Variants in SHISA9 observed in about 807,000 individuals in gnomAD.
SHISA9 encodes protein shisa-9.
Under a neutral mutation model 38.0 loss-of-function variants are expected in SHISA9, and 13 were observed. The ratio of observed to expected loss-of-function variants is 0.34; its 90% CI spans 0.22 to 0.54. SHISA9 has a LOEUF of 0.54. Ranked by LOEUF, SHISA9 falls within the 20% of genes least tolerant of loss-of-function variation. The pLI is 0.91. For missense variants in SHISA9, 538 were observed against 575.8 expected (o/e 0.93, Z 0.67); for synonymous variants, 275 against 242.0 (o/e 1.14, Z -1.27).
the SHISA9 span, among the ~76,000 whole-genome samples, chr16:13,293,243 C>T: frequency 4.6e-5 from 7 of 152,136 alleles, no homozygotes; most frequent in East Asian, 1.9e-4. Flanking sequence ...CACACGCACG[C>T]GCGCAAACAC....
the SHISA9 span, among the ~76,000 whole-genome samples, chr16:13,442,821 C>T: frequency 2.6e-5 from 4 of 152,178 alleles, no homozygotes; most frequent in African/African-American, 9.7e-5. Context: ...AAGGATGTTA[C>T]TGTTGGATGG....
the SHISA9 span, among the ~76,000 whole-genome samples, chr16:13,440,585 C>T: frequency 6.6e-6 from 1 of 152,200 alleles, no homozygotes; most frequent in Non-Finnish European, 1.5e-5. Flanking sequence ...AGCTTCTTTT[C>T]TAAATGTCTT....
chr16:13,390,124 C>CT, the SHISA9 span, among the ~76,000 whole-genome samples: 208 of 149,390 alleles, frequency 1.4e-3, no homozygotes, highest in Non-Finnish European at 2.1e-3. Context: ...TTTTTCTAAC[C>CT]TTTTTTTTTT....
At chr16:13,412,831 G>A in the SHISA9 span, among the ~76,000 whole-genome samples, 38 of 152,050 alleles carry the variant, frequency 2.5e-4, no homozygotes, top group East Asian at 2.1e-3. Flanking sequence ...TACTCAGTCC[G>A]GGCGACAGAG....
chr16:12,941,893 C>T (rs2071616973), intron 2 of SHISA9, among the ~76,000 whole-genome samples: 1 of 152,182 alleles, frequency 6.6e-6, no homozygotes, highest in African/African-American at 2.4e-5. Flanking sequence ...ATTATAGTCA[C>T]CCTGTTGTGC....
At chr16:13,012,944 A>G (rs2072696376) in intron 2 of SHISA9, among the ~76,000 whole-genome samples, 2 of 152,140 alleles carry the variant, frequency 1.3e-5, no homozygotes, top group South Asian at 2.1e-4. Context: ...GCAGGGGGAC[A>G]ATCTAATTAG....
Position 13,087,235 on chromosome 16 carries a change from C to T in SHISA9, c.692-116159C>T, listed in dbSNP as rs1234380180. On this transcript the variant is annotated intron_variant, in intron 2 of 4. Coordinates refer to ENST00000558583, the MANE Select transcript of SHISA9 (RefSeq NM_001145204.3). ...CTTAATGCAGTCTATCATTGATGGA[C>T]ATTTGGGTTGGTTCCAAGTCTTTGC... Among the ~76,000 whole-genome samples, 8 of 142,086 alleles carry T rather than the reference C, an allele frequency of 5.6e-5. No individual in the cohort carries two copies. In the East Asian group the frequency reaches 1.5e-3, roughly 27 times the overall value. 93.2% of individuals were successfully genotyped at this position (142,086 alleles called of 152,430 possible). A position where few individuals can be genotyped will look rare whatever the true frequency, so the allele number is the denominator to read the frequency against.
the SHISA9 span, among the ~76,000 whole-genome samples, chr16:13,502,523 AAT>A: frequency 6.6e-6 from 1 of 152,170 alleles, no homozygotes; most frequent in African/African-American, 2.4e-5. Context: ...CTAGATACAA[AAT>A]ATCCATTGTT....
chr16:13,356,064 A>G, the SHISA9 span, among the ~76,000 whole-genome samples: 17 of 152,294 alleles, frequency 1.1e-4, no homozygotes, highest in African/African-American at 3.6e-4. Context: ...CTGGAGGAAC[A>G]CCTGGCCACT....
chr16:13,025,215 T>C (rs2072906221), intron 2 of SHISA9, among the ~76,000 whole-genome samples: 1 of 152,234 alleles, frequency 6.6e-6, no homozygotes, highest in African/African-American at 2.4e-5. Flanking sequence ...GGGCTAATTA[T>C]TACTTTCCTC....
chr16:12,991,220 G>A (rs1004799776), intron 2 of SHISA9, among the ~76,000 whole-genome samples: 2 of 152,118 alleles, frequency 1.3e-5, no homozygotes, highest in African/African-American at 4.8e-5. Context: ...AGTTGTAAGG[G>A]ATTTTAATTG....
chr16:13,368,965 A>G, the SHISA9 span, among the ~76,000 whole-genome samples: 1 of 152,188 alleles, frequency 6.6e-6, no homozygotes, highest in Non-Finnish European at 1.5e-5. Flanking sequence ...TTATATGTGA[A>G]TCTGTGTGTT....
At chr16:13,499,339 C>T in the SHISA9 span, among the ~76,000 whole-genome samples, 2 of 152,116 alleles carry the variant, frequency 1.3e-5, no homozygotes, top group Admixed American at 6.6e-5. Context: ...ATTATCTTAC[C>T]TATAGGGTGG....
At position 13,030,029 on chromosome 16, in the gene SHISA9, T is replaced by C. The variant is rs549023414; in HGVS notation, c.691+113214T>C. 2.0e-5 allele frequency among the ~76,000 whole-genome samples: 3 copies of C among 152,382 alleles called. No individual in the cohort carries two copies. In the East Asian group the frequency reaches 5.8e-4, roughly 29 times the overall value. ...CTGCTGTGAGGACTGAATGAGATCATTCATATCCAGTGTTTAGCATAGTGC... is the reference window on the plus strand; with the variant it reads ...CTGCTGTGAGGACTGAATGAGATCACTCATATCCAGTGTTTAGCATAGTGC... On this transcript the variant is annotated intron_variant, in intron 2 of 4. Transcript: ENST00000558583.
chr16:13,352,261 T>G, the SHISA9 span, among the ~76,000 whole-genome samples: 4 of 152,198 alleles, frequency 2.6e-5, no homozygotes, highest in Admixed American at 6.5e-5. Context: ...CTTCATAAAA[T>G]CTGGAGCAGA....
At chr16:13,468,266 C>T in the SHISA9 span, among the ~76,000 whole-genome samples, 1 of 152,188 alleles carries the variant, frequency 6.6e-6, no homozygotes, top group East Asian at 1.9e-4. Context: ...ATTGATTCAA[C>T]AACTATTGAC....
chr16:13,472,327 T>C, the SHISA9 span, among the ~76,000 whole-genome samples: 1 of 151,840 alleles, frequency 6.6e-6, no homozygotes, highest in Non-Finnish European at 1.5e-5. Context: ...AGCATATATT[T>C]GCCTGTTTGA....
chr16:13,311,605 C>T, the SHISA9 span, among the ~76,000 whole-genome samples: 1 of 152,112 alleles, frequency 6.6e-6, no homozygotes, highest in African/African-American at 2.4e-5. Flanking sequence ...TGGATTAAGG[C>T]AGCAACTACA....
intron 2 of SHISA9, among the ~76,000 whole-genome samples, chr16:12,940,246 T>A (rs530717840): frequency 6.6e-6 from 1 of 152,258 alleles, no homozygotes; most frequent in East Asian, 1.9e-4. Context: ...ATACAGTTAG[T>A]TTCCCTCTTC....
Sources: gnomAD v4.1 joint callset for allele counts (sites outside exome capture counted in the v4.1 genomes callset) on GRCh38, gnomAD v4.1.1 for gene constraint, MANE v1.5 for transcripts, NCBI Gene and HGNC (gene_info 2026-07-23, HGNC 2026-07-21) for gene names.